A1CF: variants seen among roughly 807,000 people sequenced by gnomAD.
A1CF encodes APOBEC-1 stimulating protein.
Under a neutral mutation model 68.9 loss-of-function variants are expected in A1CF, and 48 were observed. That is an observed-to-expected ratio of 0.70 (90% CI 0.55 to 0.89). The LOEUF is 0.89. Ranked by LOEUF, A1CF falls within the 40% of genes least tolerant of loss-of-function variation. A1CF has a pLI of 0.00. For missense variants in A1CF, 653 were observed against 718.9 expected (o/e 0.91, Z 1.05); for synonymous variants, 272 against 260.4 (o/e 1.04, Z -0.43).
intron 1 of A1CF, among the ~76,000 whole-genome samples, chr10:50,867,305 A>G (rs1841038812): frequency 6.6e-6 from 1 of 151,988 alleles, no homozygotes. Flanking sequence ...AGAAAATTTT[A>G]TATAATATTA....
rs1310519361 is a variant in A1CF at position 50,834,185 on chromosome 10, G to T, written c.604+1889C>A. 3.3e-5 allele frequency among the ~76,000 whole-genome samples: 5 copies of T among 152,192 alleles called. No individual in the cohort carries two copies. The South Asian group carries it at 1.0e-3, about 31-fold the overall frequency. ...GGAGCTTCTCTGGGATTACTGGATT[G>T]TCTTGACCCTGGAAACTGTCTTTCA... On this transcript the variant is annotated intron_variant, in intron 6 of 12. Coordinates refer to ENST00000373997, the MANE Select transcript of A1CF (RefSeq NM_014576.4).
chr10:50,841,465 C>A (rs989501094), intron 5 of A1CF, among the ~76,000 whole-genome samples: 1 of 152,130 alleles, frequency 6.6e-6, no homozygotes, highest in Non-Finnish European at 1.5e-5. Context: ...TTAAATACAC[C>A]AAATTAGAGT....
chr10:50,822,024 G>A (rs1300326548), intron 7 of A1CF, among the ~76,000 whole-genome samples: 1 of 152,064 alleles, frequency 6.6e-6, no homozygotes, highest in Non-Finnish European at 1.5e-5. Flanking sequence ...GAGAAAAGTT[G>A]GGAAGAATGA....
intron 1 of A1CF, among the ~76,000 whole-genome samples, chr10:50,881,623 A>G (rs1190626301): frequency 1.3e-5 from 2 of 152,226 alleles, no homozygotes; most frequent in African/African-American, 4.8e-5. Context: ...TGGGCATCCT[A>G]AAACAATGAA....
intron 1 of A1CF, among the ~76,000 whole-genome samples, chr10:50,867,942 A>G (rs1437303634): frequency 6.6e-6 from 1 of 152,190 alleles, no homozygotes; most frequent in Non-Finnish European, 1.5e-5. Flanking sequence ...AGGAAACTGA[A>G]TGGGGACAAA....
At chr10:50,831,430 A>G (rs958570092) in intron 6 of A1CF, among the ~76,000 whole-genome samples, 25 of 152,188 alleles carry the variant, frequency 1.6e-4, no homozygotes, top group African/African-American at 4.8e-4. Flanking sequence ...AGATAACCCA[A>G]TTAAAAATGG....
At chr10:50,872,483 A>T (rs1841314536) in intron 1 of A1CF, among the ~76,000 whole-genome samples, 1 of 152,024 alleles carries the variant, frequency 6.6e-6, no homozygotes, top group Non-Finnish European at 1.5e-5. Flanking sequence ...TACTAATTTT[A>T]CTTCTTTCCA....
At chr10:50,885,507 T>G (rs1841965087) in intron 1 of A1CF, 74 bp downstream of exon 1, 1 of 152,240 alleles carries the variant, frequency 6.6e-6, no homozygotes, top group Admixed American at 6.5e-5. Context: ...CTGTTTTCAC[T>G]GCATTCCCAC....
At chr10:50,863,712 T>C (rs1326124663) in intron 2 of A1CF, among the ~76,000 whole-genome samples, 2 of 152,104 alleles carry the variant, frequency 1.3e-5, no homozygotes, top group Non-Finnish European at 2.9e-5. Context: ...GAAAGGTGGT[T>C]ACTAGAGGCT....
intron 2 of A1CF, among the ~76,000 whole-genome samples, chr10:50,863,286 T>G (rs1008141221): frequency 6.6e-6 from 1 of 152,222 alleles, no homozygotes; most frequent in South Asian, 2.1e-4. Flanking sequence ...CAGATAAATA[T>G]TTCTTTTAAG....
At chr10:50,845,060 T>A (rs1839937203) in intron 3 of A1CF, among the ~76,000 whole-genome samples, 1 of 152,200 alleles carries the variant, frequency 6.6e-6, no homozygotes, top group Non-Finnish European at 1.5e-5. Flanking sequence ...TCATACCACG[T>A]TTTTTAAAAA....
chr10:50,868,587 G>A (rs1168536799), intron 1 of A1CF, among the ~76,000 whole-genome samples: 4 of 151,956 alleles, frequency 2.6e-5, no homozygotes, highest in Non-Finnish European at 4.4e-5. Context: ...ATGTTTTTCA[G>A]GCATTAGCAA....
At chr10:50,815,542 A>T (rs948417211) in intron 9 of A1CF, among the ~76,000 whole-genome samples, 2 of 152,154 alleles carry the variant, frequency 1.3e-5, no homozygotes, top group Non-Finnish European at 2.9e-5. Flanking sequence ...ATAATTTGTG[A>T]TTTACATATT....
intron 1 of A1CF, among the ~76,000 whole-genome samples, chr10:50,879,750 A>G (rs1408936650): frequency 6.6e-6 from 1 of 152,168 alleles, no homozygotes; most frequent in East Asian, 1.9e-4. Context: ...CTTCAGGCCT[A>G]AGGATTACAA....
intron 1 of A1CF, among the ~76,000 whole-genome samples, chr10:50,879,670 A>T: frequency 6.6e-6 from 1 of 152,120 alleles, no homozygotes; most frequent in South Asian, 2.1e-4. Context: ...ATGAGAATTC[A>T]CTCATTATCA....
At chr10:50,885,489 G>T (rs1841964698) in intron 1 of A1CF, 92 bp downstream of exon 1, 1 of 152,128 alleles carries the variant, frequency 6.6e-6, no homozygotes, top group African/African-American at 2.4e-5. Context: ...AACAGAAGAG[G>T]GTAAAAGCTG....
At chr10:50,829,705 CT>C (rs1839148653) in intron 6 of A1CF, among the ~76,000 whole-genome samples, 1 of 152,046 alleles carries the variant, frequency 6.6e-6, no homozygotes, top group African/African-American at 2.4e-5. Flanking sequence ...TTTACATAGA[CT>C]TTTTTTGTTT....
intron 5 of A1CF, among the ~76,000 whole-genome samples, chr10:50,839,562 T>C (rs1839676295): frequency 6.6e-6 from 1 of 152,212 alleles, no homozygotes; most frequent in Non-Finnish European, 1.5e-5. Flanking sequence ...GATCTCCTGA[T>C]TCCTACTGCA....
At chr10:50,849,460 T>TA (rs1352466876) in intron 3 of A1CF, among the ~76,000 whole-genome samples, 1 of 152,186 alleles carries the variant, frequency 6.6e-6, no homozygotes, top group African/African-American at 2.4e-5. Flanking sequence ...GGAAGAATAA[T>TA]AAAAATTGTG....
Sources: allele counts gnomAD v4.1 joint callset (sites outside exome capture counted in the v4.1 genomes callset), GRCh38; gene constraint gnomAD v4.1.1; transcripts MANE v1.5; gene names NCBI Gene and HGNC (gene_info 2026-07-23, HGNC 2026-07-21).